Variants in GK3 observed in about 807,000 individuals in gnomAD.
GK3 encodes glycerol kinase 3.
the GK3 span, chr4:165,279,664 G>A: frequency 7.5e-6 from 12 of 1,605,722 alleles, no homozygotes; most frequent in East Asian, 2.5e-4. Context: ...CTTCAGGTCC[G>A]CCCGCGTTTG....
the GK3 span, chr4:165,279,456 C>A: frequency 6.3e-7 from 1 of 1,599,798 alleles, no homozygotes; most frequent in Non-Finnish European, 8.6e-7. Flanking sequence ...CACTCATAGA[C>A]AGAATGTAGA....
chr4:165,277,900 G>A, the GK3 span: 4 of 846,208 alleles, frequency 4.7e-6, no homozygotes, highest in South Asian at 4.0e-5. Context: ...TATGAATAGT[G>A]TCATCGCATT....
At chr4:165,279,590 C>T in the GK3 span, 3 of 1,607,138 alleles carry the variant, frequency 1.9e-6, no homozygotes, top group South Asian at 1.1e-5. Context: ...GGAACTGGTG[C>T]CTTGGTCCAC....
the GK3 span, chr4:165,279,085 T>C: frequency 6.4e-7 from 1 of 1,558,164 alleles, no homozygotes; most frequent in Non-Finnish European, 8.9e-7. Context: ...TGACGCCTCC[T>C]GTCAAACTCC....
the GK3 span, chr4:165,279,481 C>T: frequency 6.3e-7 from 1 of 1,588,966 alleles, no homozygotes; most frequent in East Asian, 2.2e-5. Flanking sequence ...CCTTAGGGTC[C>T]TGTTCCACCC....
the GK3 span, chr4:165,278,261 G>A: frequency 1.5e-5 from 16 of 1,082,456 alleles, no homozygotes; most frequent in East Asian, 1.9e-4. Context: ...AGCCCCTGCC[G>A]CCATGGCAGC....
chr4:165,278,764 T>C, the GK3 span: 1 of 1,572,216 alleles, frequency 6.4e-7, no homozygotes, highest in African/African-American at 1.3e-5. Context: ...GATCAGAAAA[T>C]ACACACTTAT....
the GK3 span, chr4:165,279,367 C>G: frequency 6.3e-7 from 1 of 1,584,064 alleles, no homozygotes; most frequent in South Asian, 1.1e-5. Flanking sequence ...TGGTTTCCCT[C>G]TGGTTGCTGA....
chr4:165,279,577 C>A, the GK3 span: 2 of 1,600,670 alleles, frequency 1.2e-6, no homozygotes, highest in South Asian at 2.2e-5. Flanking sequence ...CCAAAAAGCG[C>A]GTGGAACTGG....
chr4:165,278,669 C>T, the GK3 span: 4 of 1,599,516 alleles, frequency 2.5e-6, no homozygotes, highest in Admixed American at 3.3e-5. Flanking sequence ...AATAACAGCA[C>T]CAGCTATAGC....
the GK3 span, chr4:165,279,687 T>C: frequency 1.3e-6 from 2 of 1,545,284 alleles, no homozygotes; most frequent in Non-Finnish European, 1.8e-6. Context: ...GCCGGTTTCC[T>C]GGGTGACGGC....
At chr4:165,278,103 T>A in the GK3 span, 1 of 1,561,324 alleles carries the variant, frequency 6.4e-7, no homozygotes, top group Non-Finnish European at 8.8e-7. Flanking sequence ...GATTGAGTTG[T>A]AACCCAACCC....
At chr4:165,279,106 T>C in the GK3 span, 7 of 1,589,042 alleles carry the variant, frequency 4.4e-6, no homozygotes, top group Non-Finnish European at 6.0e-6. Context: ...AAATAAGCCA[T>C]GAATCAATAG....
chr4:165,277,839 G>T, the GK3 span: 22 of 743,626 alleles, frequency 3.0e-5, no homozygotes, highest in Middle Eastern at 7.5e-4. Context: ...TTAAGCCACA[G>T]GTCTACTTGG....
chr4:165,278,807 C>G, the GK3 span: 1 of 1,543,160 alleles, frequency 6.5e-7, no homozygotes. Flanking sequence ...ACATCCTGTT[C>G]CATACGTATT....
the GK3 span, chr4:165,278,672 G>C: frequency 3.8e-6 from 6 of 1,599,664 alleles, no homozygotes; most frequent in Non-Finnish European, 5.1e-6. Context: ...AACAGCACCA[G>C]CTATAGCTAC....
At chr4:165,278,641 A>T in the GK3 span, 1 of 1,593,704 alleles carries the variant, frequency 6.3e-7, no homozygotes, top group Non-Finnish European at 8.6e-7. Context: ...TAATTCCAAG[A>T]TTGTCTCTTA....
chr4:165,279,144 C>T, the GK3 span: 36 of 1,602,642 alleles, frequency 2.2e-5, 1 homozygote, highest in East Asian at 1.3e-4. Flanking sequence ...TTTTCTTCAA[C>T]GGCCTTTTGA....
At chr4:165,279,165 C>T in the GK3 span, 3 of 1,599,766 alleles carry the variant, frequency 1.9e-6, no homozygotes, top group Non-Finnish European at 2.6e-6. Flanking sequence ...ACTTTTCTCA[C>T]ATTGTCGAGG....
Sources: allele counts gnomAD v4.1 joint callset, GRCh38; gene constraint gnomAD v4.1.1; transcripts MANE v1.5; gene names NCBI Gene and HGNC (gene_info 2026-07-23, HGNC 2026-07-21).